The following CACNA1D variants were observed in gnomAD, a reference collection of about 807,000 sequenced individuals.
CACNA1D encodes voltage-dependent L-type calcium channel subunit alpha-1D.
A neutral mutation model predicts 257.1 loss-of-function variants in CACNA1D; 55 were observed. The ratio of observed to expected loss-of-function variants is 0.21; its 90% CI spans 0.17 to 0.27. The LOEUF (loss-of-function observed/expected upper bound fraction) is 0.27. Ranked by LOEUF, CACNA1D falls within the 10% of genes least tolerant of loss-of-function variation. The pLI, the probability that CACNA1D is intolerant of heterozygous loss-of-function variation, is 1.00. For synonymous variants in CACNA1D, 980 were observed against 1,014.9 expected (o/e 0.97, Z 0.65); for missense variants, 1,876 against 2,784.0 (o/e 0.67, Z 7.34).
chr3:53,496,809 A>G (rs1354580111), intron 1 of CACNA1D, among the ~76,000 whole-genome samples: 1 of 152,180 alleles, frequency 6.6e-6, no homozygotes, highest in Non-Finnish European at 1.5e-5. Context: ...GGGTTTTACA[A>G]ATCAGAGATG....
At chr3:53,745,577 A>C (rs746464473) in intron 23 of CACNA1D, 47 bp from the exon 24 acceptor site, 2 of 1,274,454 alleles carry the variant, frequency 1.6e-6, no homozygotes, top group Non-Finnish European at 2.3e-6. Flanking sequence ...GCTCACCTCA[A>C]GGCCAAAATC....
intron 3 of CACNA1D, among the ~76,000 whole-genome samples, chr3:53,646,061 C>G (rs944139200): frequency 6.6e-6 from 1 of 152,214 alleles, no homozygotes; most frequent in South Asian, 2.1e-4. Context: ...AAGTTCATGT[C>G]CATGGGGCAG....
intron 32 of CACNA1D, 146 bp from the exon 33 acceptor site, chr3:53,772,687 C>T (rs922364278): frequency 1.8e-5 from 12 of 673,718 alleles, no homozygotes; most frequent in East Asian, 2.7e-5. Context: ...GGGATTTAAA[C>T]GGTTCTTCCT....
In CACNA1D at chr3:53,752,866, G is replaced by A. The variant is rs145704802; in HGVS notation, c.3676-706G>A. Reference sequence around the variant, plus strand: ...GTTACAGCTACTTCTTATTCCAGTGGGGGCAAGAAATGCAATTGAGTTTAA... The same window carrying A: ...GTTACAGCTACTTCTTATTCCAGTGAGGGCAAGAAATGCAATTGAGTTTAA... On this transcript the variant is annotated intron_variant, in intron 28 of 47. Transcript: ENST00000350061. Among the ~76,000 whole-genome samples, 27 of 152,332 alleles carry A rather than the reference G, an allele frequency of 1.8e-4. No individual in the cohort carries two copies. In the East Asian group the frequency reaches 5.2e-3, roughly 29 times the overall value.
intron 38 of CACNA1D, among the ~76,000 whole-genome samples, chr3:53,780,467 G>T (rs2095419950): frequency 6.6e-6 from 1 of 152,206 alleles, no homozygotes; most frequent in African/African-American, 2.4e-5. Flanking sequence ...CTAGTTGTAT[G>T]ACCTGCAGTG....
chr3:53,672,920 A>G (rs2094339613), intron 7 of CACNA1D, 103 bp from the exon 8 acceptor site: 2 of 765,268 alleles, frequency 2.6e-6, no homozygotes, highest in East Asian at 5.6e-5. Flanking sequence ...AATCTAAGTA[A>G]ATGTTTAATT....
chr3:53,651,965 A>G lies in CACNA1D; in HGVS notation c.623+1047A>G, dbSNP rs961856836. Among the ~76,000 whole-genome samples the G allele has an allele frequency of 1.6e-4, 24 of 152,256 alleles. 1 individual carries two copies. In the South Asian group the frequency reaches 5.0e-3, roughly 32 times the overall value. On this transcript the variant is annotated intron_variant, in intron 4 of 47. Coordinates refer to ENST00000350061, the MANE Select transcript of CACNA1D (RefSeq NM_001128840.3). ...CCTTTCAACCTAGGAAGTTAATATG[A>G]GATCCTAATTGCCCAGTGGGACAAT...
chr3:53,543,345 C>T (rs1302405283), intron 3 of CACNA1D, among the ~76,000 whole-genome samples: 5 of 152,158 alleles, frequency 3.3e-5, no homozygotes, highest in Non-Finnish European at 7.3e-5. Context: ...CGGGAGTAAA[C>T]CTTTTCTGTC....
At chr3:53,583,759 G>A (rs916374472) in intron 3 of CACNA1D, among the ~76,000 whole-genome samples, 1 of 152,256 alleles carries the variant, frequency 6.6e-6, no homozygotes, top group Admixed American at 6.5e-5. Flanking sequence ...AGGTATGCAA[G>A]TTGCTGGCCC....
intron 40 of CACNA1D, among the ~76,000 whole-genome samples, chr3:53,798,876 T>A (rs3774609): frequency 1.3e-5 from 2 of 151,960 alleles, no homozygotes; most frequent in African/African-American, 4.8e-5. Context: ...CTGAACCACT[T>A]CTGGGCATCT....
intron 2 of CACNA1D, among the ~76,000 whole-genome samples, chr3:53,498,030 A>G (rs1434564427): frequency 1.3e-5 from 2 of 152,140 alleles, no homozygotes; most frequent in Admixed American, 1.3e-4. Flanking sequence ...CATGCTTCCT[A>G]GGGAGAGATT....
rs779422109 is a variant in CACNA1D at position 53,735,512 on chromosome 3, C to T, written c.2751+9C>T. ...ACTCCTTCCGGAACACGGTAAGTCC[C>T]CAGGGTGGGGCTCGCTCTGGGATAG... On this transcript the variant is annotated intron_variant, in intron 20 of 47. Transcript: ENST00000350061. The T allele has an allele frequency of 6.2e-7, 1 of 1,613,872 alleles. No homozygotes were observed. The highest frequency in any genetic ancestry group is 1.7e-5 in the Admixed American group (1 of 60,030).
chr3:53,796,594 G>T (rs906648435), intron 40 of CACNA1D, among the ~76,000 whole-genome samples: 2 of 152,194 alleles, frequency 1.3e-5, no homozygotes, highest in Non-Finnish European at 2.9e-5. Context: ...GTTCATATTT[G>T]ATGTCAAAAT....
At position 53,730,519 on chromosome 3, in the gene CACNA1D, G is replaced by A. The variant is rs1167946028; in HGVS notation, c.2299G>A (p.Glu767Lys). 6 of 1,614,102 alleles carry A rather than the reference G, an allele frequency of 3.7e-6. No individual in the cohort carries two copies. In the South Asian group the frequency reaches 6.6e-5, roughly 18 times the overall value. The change falls in exon 16 of 48, where the codon GAA becomes AAA. Residue 767 changes from glutamate to lysine, a missense_variant. Coordinates refer to ENST00000350061, the MANE Select transcript of CACNA1D (RefSeq NM_001128840.3). ...TGAAAGTCTGAACACTGCTCAGAAA[G>A]AAGAAGCGGAAGAAAAGGAGAGGAA... ...DAESLNTAQKEEAEEKERKKI... is the reference protein window; with the variant it reads ...DAESLNTAQKKEAEEKERKKI...
At chr3:53,623,138 T>C (rs756433496) in intron 3 of CACNA1D, among the ~76,000 whole-genome samples, 2 of 152,224 alleles carry the variant, frequency 1.3e-5, no homozygotes, top group African/African-American at 4.8e-5. Flanking sequence ...TCAGCCGGTC[T>C]TGGCCTTCCG....
At chr3:53,540,505 T>C (rs1360546742) in intron 3 of CACNA1D, among the ~76,000 whole-genome samples, 1 of 151,910 alleles carries the variant, frequency 6.6e-6, no homozygotes, top group Non-Finnish European at 1.5e-5. Context: ...AGATTTCAAA[T>C]ATAGTAATTA....
chr3:53,805,084 C>G lies in CACNA1D; in HGVS notation c.5687C>G (p.Ser1896Trp). 6.2e-7 allele frequency: 1 copy of G among 1,614,130 alleles called. No individual in the cohort carries two copies. The highest frequency in any genetic ancestry group is 8.5e-7 in the Non-Finnish European group (1 of 1,180,022). The change falls in exon 45 of 48, where the codon TCG becomes TGG. Residue 1896 changes from serine to tryptophan, a missense_variant. Ser to Trp is a radical substitution (Grantham distance 177). Transcript: ENST00000350061. ...CAAGGATTCTTGGAGGACGATGACTCGCCCGTTTGCTATGATTCACGGAGA... is the reference window on the plus strand; with the variant it reads ...CAAGGATTCTTGGAGGACGATGACTGGCCCGTTTGCTATGATTCACGGAGA... The part of the protein sequence containing the change: ...HPQGFLEDDD[S>W]PVCYDSRRSP...
chr3:53,753,700 C>G lies in CACNA1D; in HGVS notation c.3786+18C>G, dbSNP rs2095244262. ...AGCCTAAGGTGAGTTGCAGAACCCA[C>G]TTTTCAAAGGTTGTTGCTGAGTCAC... On this transcript the variant is annotated intron_variant, in intron 29 of 47. Transcript: ENST00000350061. 6.1e-6 allele frequency: 9 copies of G among 1,470,002 alleles called. No homozygotes were observed. The highest frequency in any genetic ancestry group is 8.6e-6 in the Non-Finnish European group (9 of 1,048,282). The allele number at this position is 1,470,002 out of a possible 1,614,324, so 91.1% of individuals were successfully genotyped here. A position where few individuals can be genotyped will look rare whatever the true frequency, so the allele number is the denominator to read the frequency against.
intron 29 of CACNA1D, among the ~76,000 whole-genome samples, chr3:53,754,276 G>T (rs1277400757): frequency 1.3e-5 from 2 of 152,234 alleles, no homozygotes; most frequent in African/African-American, 4.8e-5. Flanking sequence ...GACTCAGCGT[G>T]TTGTACCCCT....
Sources: gnomAD v4.1 joint callset for allele counts (sites outside exome capture counted in the v4.1 genomes callset) on GRCh38, gnomAD v4.1.1 for gene constraint, MANE v1.5 for transcripts, NCBI Gene and HGNC (gene_info 2026-07-23, HGNC 2026-07-21) for gene names.